The following DACH1 variants were observed in gnomAD, a reference collection of about 807,000 sequenced individuals.
DACH1 encodes the protein dachshund family transcription factor 1.
Under a neutral mutation model 54.2 loss-of-function variants are expected in DACH1, and 12 were observed. The ratio of observed to expected loss-of-function variants is 0.22; its 90% confidence interval spans 0.14 to 0.36. The LOEUF (loss-of-function observed/expected upper bound fraction) is 0.36. Among genes scored for constraint, DACH1 ranks in the 10% least tolerant of loss-of-function variants. The pLI, the probability that DACH1 is intolerant of heterozygous loss-of-function variation, is 1.00. For synonymous variants in DACH1, 386 were observed against 366.2 expected (o/e 1.05, Z -0.62); for missense variants, 805 against 929.8 (o/e 0.87, Z 1.75).
chr13:71,438,929 T>C lies in DACH1; in HGVS notation c.*1726A>G, dbSNP rs922253110. 9.2e-5 allele frequency: 14 copies of C among 152,550 alleles called. No individual in the cohort carries two copies. The highest frequency in any genetic ancestry group is 3.1e-4 in the African/African-American group (13 of 41,568). The allele number at this position is 152,550 out of a possible 1,614,324, so 9.4% of individuals were successfully genotyped here. On this transcript the variant is annotated 3_prime_UTR_variant, in exon 11 of 11. Transcript: ENST00000613252. The stretch of plus-strand genomic sequence containing the variant: ...AGCAAGCTAAAATAGGAACTGTACA[T>C]ATAACCTTTTTATGGTATTAAAAAG...
Position 71,865,958 on chromosome 13 carries a change from T to A in DACH1, c.812A>T (p.Asp271Val). ...GCAGTCATTGTAGAGGGTCTCGAAG[T>A]CCTTCCTGGAGATGAGTTTGCAGCG... ...VNRCKLISRK[D>V]FETLYNDCTN... is the part of the protein sequence containing the mutation. Residue 271 changes from aspartate (D) to valine (V), a missense_variant, in exon 1 of 11, where the codon GAC becomes GTC. By Grantham distance (152) the Asp-to-Val change is radical. Transcript: ENST00000613252. 6.2e-7 allele frequency: 1 copy of A among 1,613,770 alleles called. No homozygotes were observed. The highest frequency in any genetic ancestry group is 8.5e-7 in the Non-Finnish European group (1 of 1,179,880).
At chr13:71,716,318 A>G (rs1161844360) in intron 1 of DACH1, among the ~76,000 whole-genome samples, 2 of 152,128 alleles carry the variant, frequency 1.3e-5, no homozygotes, top group Non-Finnish European at 2.9e-5. Context: ...ATAACATTAT[A>G]GCACATTCAG....
intron 3 of DACH1, among the ~76,000 whole-genome samples, chr13:71,587,097 C>A (rs980554888): frequency 6.6e-6 from 1 of 152,076 alleles, no homozygotes; most frequent in Non-Finnish European, 1.5e-5. Context: ...TTACAAAATG[C>A]AAACTCCAAG....
rs1430491082 is a variant in DACH1, at chr13:71,479,180, T to A, written c.1859A>T (p.Gln620Leu). Residue 620 changes from glutamine to leucine, a missense_variant, in exon 8 of 11, where the codon CAA (glutamine) becomes CTA (leucine). By Grantham distance (113) the Gln-to-Leu change is moderately radical. This residue lies in a region of DACH1 where 472 missense variants were observed against 545.3 expected (regional missense o/e 0.87). Coordinates refer to ENST00000613252, the MANE Select transcript of DACH1 (RefSeq NM_080759.6). Reference sequence around the variant, plus strand: ...AAATTTGGAAATACCTCTATTCTTTTGTTCCATAGCCAACTGCTTCTCAAG... The same window carrying A: ...AAATTTGGAAATACCTCTATTCTTTAGTTCCATAGCCAACTGCTTCTCAAG... ...ETLEKQLAME[Q>L]KNRAIVQKRL... The A allele has an allele frequency of 9.3e-6, 15 of 1,610,428 alleles. No individual in the cohort carries two copies. Among genetic ancestry groups the A allele is most frequent in the Non-Finnish European group, 1.3e-5 (15 of 1,179,044 alleles).
rs772222772 is a variant in DACH1 at position 71,509,591 on chromosome 13, G to A, written c.1571-20443C>T. On this transcript the variant is annotated intron_variant, in intron 6 of 10. Transcript: ENST00000613252. ...GTTTAAAATTCTGTAGGAAACAGTCGGCTTATATTTTTACTAAGTTTTTCA... is the reference window on the plus strand; with the variant it reads ...GTTTAAAATTCTGTAGGAAACAGTCAGCTTATATTTTTACTAAGTTTTTCA... Among the ~76,000 whole-genome samples the A allele has an allele frequency of 1.6e-4, 25 of 151,916 alleles. 1 individual carries two copies. Among genetic ancestry groups the A allele is most frequent in the Non-Finnish European group, 2.5e-4 (17 of 67,944 alleles).
intron 6 of DACH1, among the ~76,000 whole-genome samples, chr13:71,545,908 T>C (rs961615388): frequency 6.6e-6 from 1 of 152,110 alleles, no homozygotes; most frequent in Admixed American, 6.6e-5. Flanking sequence ...GAAGCTGTGA[T>C]TTGAAATCAA....
intron 6 of DACH1, among the ~76,000 whole-genome samples, chr13:71,500,787 T>C (rs147140017): frequency 6.8e-4 from 103 of 152,234 alleles, no homozygotes; most frequent in African/African-American, 2.1e-3. Context: ...TCTGGCCTTT[T>C]TTTTTCTCTC....
chr13:71,764,347 A>G lies in DACH1; in HGVS notation c.849-82437T>C, dbSNP rs192052463. Among the ~76,000 whole-genome samples the G allele has an allele frequency of 6.1e-4, 93 of 152,278 alleles. No homozygotes were observed. The East Asian group carries it at 0.016, about 26-fold the overall frequency. On this transcript the variant is annotated intron_variant, in intron 1 of 10. Transcript: ENST00000613252. ...GAATTCAAGGCTGCAATGAGCTATG[A>G]TAGTGCTTGTGAACAGCCACTACAT...
intron 1 of DACH1, among the ~76,000 whole-genome samples, chr13:71,862,626 G>C (rs911963144): frequency 1.3e-5 from 2 of 151,756 alleles, no homozygotes; most frequent in African/African-American, 2.4e-5. Context: ...CCTCCTTGTG[G>C]TAATGACAGA....
intron 3 of DACH1, among the ~76,000 whole-genome samples, chr13:71,585,114 C>A (rs1364874329): frequency 1.3e-5 from 2 of 151,980 alleles, no homozygotes; most frequent in East Asian, 1.9e-4. Flanking sequence ...GTGCCAGGCA[C>A]TGTTGTAAGT....
chr13:71,819,171 T>A (rs905251232), intron 1 of DACH1, among the ~76,000 whole-genome samples: 1 of 152,104 alleles, frequency 6.6e-6, no homozygotes, highest in African/African-American at 2.4e-5. Flanking sequence ...GCAAGAACTG[T>A]GTATTTTGGA....
rs74712642 is a variant in DACH1 at position 71,667,624 on chromosome 13, A to G, written c.964+14171T>C. Among the ~76,000 whole-genome samples the G allele has an allele frequency of 5.0e-3, 764 of 152,320 alleles. 8 individuals are homozygous for G. Among genetic ancestry groups the G allele is most frequent in the African/African-American group, 0.018 (739 of 41,562 alleles). ...GAACTCACTGTAATTTCAAAAATTC[A>G]TAGAATATTATTATGTCATGAAATC... is the stretch of plus-strand genomic sequence containing the variant. On this transcript the variant is annotated intron_variant, in intron 2 of 10. Transcript: ENST00000613252.
At chr13:71,512,476 G>A (rs1735155222) in intron 6 of DACH1, among the ~76,000 whole-genome samples, 1 of 151,760 alleles carries the variant, frequency 6.6e-6, no homozygotes, top group African/African-American at 2.4e-5. Context: ...TAAAACAGAG[G>A]AGAAAGTAAA....
At chr13:71,663,866 G>T (rs1341328984) in intron 2 of DACH1, among the ~76,000 whole-genome samples, 137 of 152,014 alleles carry the variant, frequency 9.0e-4, no homozygotes, top group African/African-American at 3.1e-3. Flanking sequence ...TAGATTTCCA[G>T]AGTTCAATAT....
chr13:71,636,777 T>C (rs1877517746), intron 2 of DACH1, among the ~76,000 whole-genome samples: 1 of 152,060 alleles, frequency 6.6e-6, no homozygotes, highest in Non-Finnish European at 1.5e-5. Context: ...GATTTCTTTT[T>C]CTTTCCTATT....
intron 1 of DACH1, among the ~76,000 whole-genome samples, chr13:71,692,667 C>T (rs766947814): frequency 1.3e-5 from 2 of 151,390 alleles, no homozygotes; most frequent in Non-Finnish European, 2.9e-5. Flanking sequence ...GGACTACAGG[C>T]GTGCACCACC....
At chr13:71,774,395 T>A (rs1885980983) in intron 1 of DACH1, among the ~76,000 whole-genome samples, 1 of 152,164 alleles carries the variant, frequency 6.6e-6, no homozygotes, top group South Asian at 2.1e-4. Context: ...AACATAGTGT[T>A]CTTTAAATGG....
At position 71,779,236 on chromosome 13, in the gene DACH1, C is replaced by CGTGT. The variant is rs1353663087; in HGVS notation, c.848+86685_848+86686insACAC. 1.1e-4 allele frequency among the ~76,000 whole-genome samples: 8 copies of CGTGT among 72,472 alleles called. 1 individual carries two copies. Among genetic ancestry groups the CGTGT allele is most frequent in the African/African-American group, 6.1e-4 (8 of 13,200 alleles). The allele number at this position is 72,472 out of a possible 152,430, so 47.5% of individuals were successfully genotyped here. A position where few individuals can be genotyped will look rare whatever the true frequency, so the allele number is the denominator to read the frequency against. On this transcript the variant is annotated intron_variant, in intron 1 of 10. Transcript: ENST00000613252. ...ATATATACGTATATACGTATATATA[C>CGTGT]ACATATATACGTATATACGTATATA... is the stretch of plus-strand genomic sequence containing the variant.
chr13:71,848,393 T>G (rs1424158058), intron 1 of DACH1, among the ~76,000 whole-genome samples: 1 of 152,212 alleles, frequency 6.6e-6, no homozygotes, highest in South Asian at 2.1e-4. Context: ...CAACTTCCTT[T>G]AGATTGTTAT....
Sources: allele counts gnomAD v4.1 joint callset (sites outside exome capture counted in the v4.1 genomes callset), GRCh38; gene constraint gnomAD v4.1.1; regional missense constraint gnomAD v4.1.1; transcripts MANE v1.5; gene names NCBI Gene and HGNC (gene_info 2026-07-23, HGNC 2026-07-21).